The following AGPAT3 variants were observed in gnomAD, a reference collection of about 807,000 sequenced individuals.
AGPAT3 encodes the protein 1-acylglycerol-3-phosphate O-acyltransferase 3.
AGPAT3 carries 5 observed loss-of-function variants against 47.3 expected under a neutral mutation model. That is an observed-to-expected ratio of 0.11 (90% CI 0.06 to 0.22). The LOEUF (loss-of-function observed/expected upper bound fraction) is 0.22. Among genes scored for constraint, AGPAT3 ranks in the 10% least tolerant of loss-of-function variants. The pLI, the probability that AGPAT3 is intolerant of heterozygous loss-of-function variation, is 1.00. For missense variants in AGPAT3, 315 were observed against 493.0 expected, an observed-to-expected ratio of 0.64 and a Z score of 3.42; for synonymous variants, 212 against 208.3, an observed-to-expected ratio of 1.02 and a Z score of -0.15.
intron 6 of AGPAT3, 48 bp from the exon 7 acceptor site, chr21:43,971,340 A>G (rs766794254): frequency 6.4e-7 from 1 of 1,567,174 alleles, no homozygotes; most frequent in Non-Finnish European, 8.8e-7. Context: ...GGCAGTGACC[A>G]TGCAGCCGCC....
intron 1 of AGPAT3, among the ~76,000 whole-genome samples, chr21:43,893,073 C>T (rs888276361): frequency 2.0e-5 from 3 of 152,154 alleles, no homozygotes; most frequent in Non-Finnish European, 4.4e-5. Flanking sequence ...CCAGCCTAGG[C>T]AACCGAGTGA....
At position 43,903,318 on chromosome 21, in the gene AGPAT3, A is replaced by G. The variant is rs557227412; in HGVS notation, c.-111-639A>G. ...GCTTGGGAAGATGAGAAAGTTCTGGAGATGGACAGGGGTGATGATTGCACA... is the reference window on the plus strand; with the variant it reads ...GCTTGGGAAGATGAGAAAGTTCTGGGGATGGACAGGGGTGATGATTGCACA... On this transcript the variant is annotated intron_variant, in intron 1 of 9. Coordinates refer to ENST00000291572, the MANE Select transcript of AGPAT3 (RefSeq NM_020132.5). Among the ~76,000 whole-genome samples, 39 of 152,320 alleles carry G rather than the reference A, an allele frequency of 2.6e-4. No homozygotes were observed. The South Asian group carries it at 7.0e-3, about 28-fold the overall frequency.
In AGPAT3 at chr21:43,868,622, G is replaced by C. The variant is rs191480627; in HGVS notation, c.-112+3277G>C. ...CTGTACAAGGAAATACCTGTCCTGAGATCGATTACTCACCCCTGACTGTCT... is the reference window on the plus strand; with the variant it reads ...CTGTACAAGGAAATACCTGTCCTGACATCGATTACTCACCCCTGACTGTCT... On this transcript the variant is annotated intron_variant, in intron 1 of 9. Coordinates refer to ENST00000291572, the MANE Select transcript of AGPAT3 (RefSeq NM_020132.5). Among the ~76,000 whole-genome samples, 606 of 152,318 alleles carry C rather than the reference G, an allele frequency of 4.0e-3. 1 individual carries two copies. Among genetic ancestry groups the C allele is most frequent in the Non-Finnish European group, 6.4e-3 (435 of 68,016 alleles).
chr21:43,981,036 G>A lies in AGPAT3; in HGVS notation c.891G>A (p.Glu297=). ...ATCAGAAGGGCATGTTTCCAGGGGA[G>A]CAGTTTAAGCCTGCCCGGAGGCCGT... ...IYNQKGMFPG[E]QFKPARRPWT... Residue 297 remains glutamate, a synonymous_variant, in exon 9 of 10, where the codon GAG becomes GAA. Coordinates refer to ENST00000291572, the MANE Select transcript of AGPAT3 (RefSeq NM_020132.5). The surrounding 1 kb of genome is among the most constrained non-coding windows in gnomAD (Gnocchi z 5.3). The A allele has an allele frequency of 6.2e-7, 1 of 1,614,226 alleles. No individual in the cohort carries two copies. Among genetic ancestry groups the A allele is most frequent in the African/African-American group, 1.3e-5 (1 of 75,068 alleles).
chr21:43,944,633 G>A (rs1035037278), intron 2 of AGPAT3, among the ~76,000 whole-genome samples: 2 of 152,260 alleles, frequency 1.3e-5, no homozygotes, highest in African/African-American at 4.8e-5. Flanking sequence ...GGAGATGCAT[G>A]TGCCGGGAGG....
chr21:43,971,250 C>CT (rs1477057681), intron 6 of AGPAT3, 138 bp from the exon 7 acceptor site: 2 of 704,564 alleles, frequency 2.8e-6, no homozygotes, highest in African/African-American at 3.6e-5. Context: ...CTGGTGTGTT[C>CT]TCCCCAGGAC....
In AGPAT3 at chr21:43,970,501, C is replaced by A; in HGVS notation, c.511-152C>A. 1.4e-6 allele frequency: 1 copy of A among 705,334 alleles called. No individual in the cohort carries two copies. Among genetic ancestry groups the A allele is most frequent in the Non-Finnish European group, 2.3e-6 (1 of 442,056 alleles). The allele number at this position is 705,334 out of a possible 1,614,324, so 43.7% of individuals were successfully genotyped here. A position where few individuals can be genotyped will look rare whatever the true frequency, so the allele number is the denominator to read the frequency against. On this transcript the variant is annotated intron_variant, in intron 5 of 9. Coordinates refer to ENST00000291572, the MANE Select transcript of AGPAT3 (RefSeq NM_020132.5). The surrounding 1 kb of genome is among the most constrained non-coding windows in gnomAD (Gnocchi z 5.8). ...GTGGCCCTAGAATAAAAGAACCTTT[C>A]AGTCATAACCCATGCTGCTCGCTAA...
rs1312011221 is a variant in AGPAT3 at position 43,932,470 on chromosome 21, C to T, written c.-48-27164C>T. ...TCTTCCTTATGGCTGAATAATAACA[C>T]GGCGTTACGCACCGCACGCTCGCTA... On this transcript the variant is annotated intron_variant, in intron 2 of 9. Transcript: ENST00000291572. The surrounding 1 kb of genome is among the most constrained non-coding windows in gnomAD (Gnocchi z 5.2). Among the ~76,000 whole-genome samples the T allele has an allele frequency of 2.0e-5, 3 of 152,122 alleles. No homozygotes were observed. The highest frequency in any genetic ancestry group is 7.3e-5 in the African/African-American group (3 of 41,374).
At chr21:43,964,700 A>G (rs1354987598) in intron 3 of AGPAT3, among the ~76,000 whole-genome samples, 1 of 152,230 alleles carries the variant, frequency 6.6e-6, no homozygotes, top group African/African-American at 2.4e-5. Context: ...GGATGACCAC[A>G]AATACACAAG....
chr21:43,865,902 G>A (rs941873692), intron 1 of AGPAT3, among the ~76,000 whole-genome samples: 3 of 152,000 alleles, frequency 2.0e-5, no homozygotes, highest in African/African-American at 4.8e-5. Flanking sequence ...GCCGCTCCGC[G>A]CGGGGAGGGC....
At chr21:43,902,022 C>T (rs2086368786) in intron 1 of AGPAT3, among the ~76,000 whole-genome samples, 1 of 152,048 alleles carries the variant, frequency 6.6e-6, no homozygotes, top group Non-Finnish European at 1.5e-5. Context: ...ACAATAATGG[C>T]TAGAATTTTT....
intron 2 of AGPAT3, among the ~76,000 whole-genome samples, chr21:43,941,731 G>A (rs927245984): frequency 1.3e-5 from 2 of 152,274 alleles, no homozygotes; most frequent in Non-Finnish European, 2.9e-5. Context: ...TACAGGGCAG[G>A]CTGGCCCCAG....
rs17004613 is a variant in AGPAT3 at position 43,879,965 on chromosome 21, G to A, written c.-112+14620G>A. 7.1e-3 allele frequency among the ~76,000 whole-genome samples: 1,079 copies of A among 152,302 alleles called. 12 individuals carry two copies. The highest frequency in any genetic ancestry group is 0.027 in the Middle Eastern group (8 of 294). ...ATGTGGGCCTCTCCCTATGCTCCTG[G>A]GGTGGAACTGAGAAGACGTGGGTTC... On this transcript the variant is annotated intron_variant, in intron 1 of 9. Coordinates refer to ENST00000291572, the MANE Select transcript of AGPAT3 (RefSeq NM_020132.5).
chr21:43,886,708 T>G (rs894011456), intron 1 of AGPAT3, among the ~76,000 whole-genome samples: 1 of 152,258 alleles, frequency 6.6e-6, no homozygotes, highest in African/African-American at 2.4e-5. Context: ...CTTGTCTTTC[T>G]GTGCCTGGCT....
intron 7 of AGPAT3, among the ~76,000 whole-genome samples, chr21:43,976,113 G>A (rs896986618): frequency 6.6e-6 from 1 of 151,480 alleles, no homozygotes; most frequent in Non-Finnish European, 1.5e-5. Context: ...TGTCACCCAG[G>A]CTGGAGTGCA....
At chr21:43,973,618 G>C (rs917422078) in intron 7 of AGPAT3, among the ~76,000 whole-genome samples, 1 of 152,224 alleles carries the variant, frequency 6.6e-6, no homozygotes. Context: ...TATTTTGCCC[G>C]ATCATATTTT....
rs1351005183 is a variant in AGPAT3 at position 43,932,503 on chromosome 21, G to A, written c.-48-27131G>A. On this transcript the variant is annotated intron_variant, in intron 2 of 9. Coordinates refer to ENST00000291572, the MANE Select transcript of AGPAT3 (RefSeq NM_020132.5). This position sits in a 1 kb window ranked among gnomAD's most constrained non-coding sequence, Gnocchi z 5.2. ...CGCACCGCACGCTCGCTATCCATTC[G>A]TCTGTTGGTGGGCACCTGGGCTGCC... 2.0e-5 allele frequency among the ~76,000 whole-genome samples: 3 copies of A among 152,192 alleles called. No homozygotes were observed. The highest frequency in any genetic ancestry group is 6.5e-5 in the Admixed American group (1 of 15,286).
In AGPAT3 at chr21:43,984,780, C is replaced by A. The variant is rs1343172581; in HGVS notation, c.*2388C>A. 1 of 189,014 alleles carries A rather than the reference C, an allele frequency of 5.3e-6. No homozygotes were observed. Among genetic ancestry groups the A allele is most frequent in the Non-Finnish European group, 1.1e-5 (1 of 88,586 alleles). 11.7% of individuals were successfully genotyped at this position (189,014 alleles called of 1,614,324 possible). ...CATTTTTTAAATTAAATTCATAAAT[C>A]CCAGAACAGTCTTTTTTTTTTCTTT... is the stretch of plus-strand genomic sequence containing the variant. On this transcript the variant is annotated 3_prime_UTR_variant, in exon 10 of 10. Transcript: ENST00000291572.
chr21:43,961,157 G>C (rs908614725), intron 3 of AGPAT3, among the ~76,000 whole-genome samples: 2 of 148,076 alleles, frequency 1.4e-5, no homozygotes, highest in African/African-American at 4.9e-5. Context: ...AAAAAAAAAA[G>C]AAAACAAAAA....
Sources: gnomAD v4.1 joint callset for allele counts (sites outside exome capture counted in the v4.1 genomes callset) on GRCh38, gnomAD v4.1.1 for gene constraint, Gnocchi (gnomAD v3.1) non-coding constraint, MANE v1.5 for transcripts, NCBI Gene and HGNC (gene_info 2026-07-23, HGNC 2026-07-21) for gene names.